PCDH11X: variants seen among roughly 807,000 people sequenced by gnomAD.
PCDH11X encodes protocadherin 11 X-linked.
In PCDH11X, 18 loss-of-function variants were observed where a neutral mutation model predicts 53.3. The observed-to-expected ratio is 0.34, with a 90% CI of 0.23 to 0.50. The LOEUF is 0.50. PCDH11X is among the 20% of genes least tolerant of loss of function. The pLI is 0.98. For missense variants in PCDH11X, 570 were observed against 1,032.4 expected (o/e 0.55, Z 6.14); for synonymous variants, 279 against 393.3 (o/e 0.71, Z 3.44).
chrX:92,083,498 A>G (rs2063896083), intron 6 of PCDH11X, among the ~76,000 whole-genome samples: 1 of 111,942 alleles, frequency 8.9e-6, no homozygotes, highest in Non-Finnish European at 1.9e-5. Flanking sequence ...TGCATTTTTT[A>G]GACTACAGAA....
chrX:92,297,865 C>A (rs2148465719), intron 8 of PCDH11X, among the ~76,000 whole-genome samples: 1 of 107,029 alleles, frequency 9.3e-6, no homozygotes, highest in African/African-American at 3.4e-5. Flanking sequence ...TTTCACCTTC[C>A]CGGTTAGATG....
At chrX:91,992,116 T>G (rs1464767519) in intron 6 of PCDH11X, among the ~76,000 whole-genome samples, 1 of 107,266 alleles carries the variant, frequency 9.3e-6, no homozygotes, top group African/African-American at 3.4e-5. Context: ...CTTATTTTTT[T>G]TTTAAATCTT....
At chrX:92,019,272 C>T (rs2062846184) in intron 6 of PCDH11X, among the ~76,000 whole-genome samples, 1 of 108,843 alleles carries the variant, frequency 9.2e-6, no homozygotes, top group Non-Finnish European at 1.9e-5. Flanking sequence ...GGAGGAGACC[C>T]CCTTGACCCC....
intron 4 of PCDH11X, among the ~76,000 whole-genome samples, chrX:91,815,141 T>C (rs1034398248): frequency 2.7e-5 from 3 of 111,336 alleles, no homozygotes; most frequent in Non-Finnish European, 5.7e-5. Flanking sequence ...ATCTTGGATT[T>C]ATTATAAAAC....
rs1243293643 is a variant in PCDH11X at position 92,369,663 on chromosome X, C to A, written c.3145-18072C>A. On this transcript the variant is annotated intron_variant, in intron 8 of 10. Transcript: ENST00000682573. ...GGTATAGGCACAGGAGGGAATCTCC[C>A]GATCTGCAGATTGCAAAAACTATGG... is the stretch of plus-strand genomic sequence containing the variant. 2.7e-5 allele frequency among the ~76,000 whole-genome samples: 3 copies of A among 111,478 alleles called. No individual in the cohort carries two copies. In the South Asian group the frequency reaches 1.1e-3, roughly 43 times the overall value.
intron 8 of PCDH11X, among the ~76,000 whole-genome samples, chrX:92,384,964 T>A (rs1198157441): frequency 9.9e-6 from 1 of 101,228 alleles, no homozygotes; most frequent in Non-Finnish European, 2.0e-5. Context: ...CCAAAGTTAG[T>A]TCAGCCTATT....
chrX:92,448,670 A>G (rs1000445368), intron 9 of PCDH11X, among the ~76,000 whole-genome samples: 2 of 104,706 alleles, frequency 1.9e-5, no homozygotes, highest in Non-Finnish European at 3.9e-5. Context: ...TTTTAAAATG[A>G]TAACTAAAGA....
At chrX:91,992,755 G>A (rs1602635158) in intron 6 of PCDH11X, among the ~76,000 whole-genome samples, 1 of 106,661 alleles carries the variant, frequency 9.4e-6, no homozygotes, top group African/African-American at 3.4e-5. Flanking sequence ...ATCTTGTTTT[G>A]GACTCTCAAC....
rs770469605 is a variant in PCDH11X at position 92,275,035 on chromosome X, T to C, written c.3144+11892T>C. Among the ~76,000 whole-genome samples the C allele has an allele frequency of 8.5e-5, 9 of 106,338 alleles. No individual in the cohort carries two copies. The South Asian group carries it at 3.9e-3, about 46-fold the overall frequency. The allele number at this position is 106,338 out of a possible 115,157, so 92.3% of individuals were successfully genotyped here. A position where few individuals can be genotyped will look rare whatever the true frequency, so the allele number is the denominator to read the frequency against. ...TGAAGGAGCCGGGGAGCAGAAAGTA[T>C]ATGCGTCAGTTATGAGGAAGAAAAT... On this transcript the variant is annotated intron_variant, in intron 8 of 10. Coordinates refer to ENST00000682573, the MANE Select transcript of PCDH11X (RefSeq NM_032968.5).
intron 8 of PCDH11X, among the ~76,000 whole-genome samples, chrX:92,266,902 G>A (rs762209643): frequency 3.7e-5 from 4 of 109,271 alleles, no homozygotes; most frequent in Admixed American, 9.8e-5. Context: ...CTGCCACCAC[G>A]CCTGGCTAAT....
intron 7 of PCDH11X, among the ~76,000 whole-genome samples, chrX:92,234,336 C>T (rs1350990191): frequency 1.8e-5 from 2 of 111,466 alleles, no homozygotes; most frequent in Non-Finnish European, 3.8e-5. Flanking sequence ...CAACAGTTGC[C>T]AGGGTGGCAA....
chrX:92,615,504 C>G (rs1927865612), intron 10 of PCDH11X, among the ~76,000 whole-genome samples: 2 of 111,847 alleles, frequency 1.8e-5, no homozygotes, highest in South Asian at 7.5e-4. Context: ...TCTCCTGCCC[C>G]AGGGCTTCAA....
At chrX:92,556,402 G>A (rs1005431728) in intron 10 of PCDH11X, among the ~76,000 whole-genome samples, 1 of 111,638 alleles carries the variant, frequency 9.0e-6, no homozygotes, top group East Asian at 2.9e-4. Context: ...AACAATGAAA[G>A]TATGGAAACT....
intron 10 of PCDH11X, among the ~76,000 whole-genome samples, chrX:92,499,865 G>GAAGA (rs886321067): frequency 4.8e-4 from 51 of 105,488 alleles, no homozygotes; most frequent in African/African-American, 1.2e-3. Context: ...AAGAAAGAAA[G>GAAGA]AAGAAAGAAA....
chrX:92,464,531 A>C (rs1416587615), intron 9 of PCDH11X, among the ~76,000 whole-genome samples: 1 of 110,782 alleles, frequency 9.0e-6, no homozygotes, highest in East Asian at 2.9e-4. Context: ...AGCTCTGTGG[A>C]ACAGTGAGTC....
chrX:92,408,684 G>C (rs918192259), intron 9 of PCDH11X, among the ~76,000 whole-genome samples: 1 of 111,043 alleles, frequency 9.0e-6, no homozygotes, highest in East Asian at 2.9e-4. Context: ...TCGGGTTCAC[G>C]CCATTCTCCT....
chrX:92,404,687 A>C (rs1282773532), intron 9 of PCDH11X, among the ~76,000 whole-genome samples: 3 of 106,543 alleles, frequency 2.8e-5, no homozygotes, highest in Non-Finnish European at 5.8e-5. Context: ...AGGAAAAATT[A>C]TATAGTAGGA....
chrX:92,170,047 A>G (rs750050621), intron 6 of PCDH11X, among the ~76,000 whole-genome samples: 20 of 111,300 alleles, frequency 1.8e-4, no homozygotes, highest in Non-Finnish European at 3.6e-4. Context: ...CTAATATCAC[A>G]TTATTTAGGA....
At chrX:91,828,708 G>T (rs923534642) in intron 4 of PCDH11X, among the ~76,000 whole-genome samples, 2 of 111,648 alleles carry the variant, frequency 1.8e-5, no homozygotes, top group East Asian at 5.7e-4. Flanking sequence ...TTTTTGCTTA[G>T]CGTTCTAAGA....
Sources: gnomAD v4.1 joint callset for allele counts (sites outside exome capture counted in the v4.1 genomes callset) on GRCh38, gnomAD v4.1.1 for gene constraint, MANE v1.5 for transcripts, NCBI Gene and HGNC (gene_info 2026-07-23, HGNC 2026-07-21) for gene names.